GPHN: variants seen among roughly 807,000 people sequenced by gnomAD.
GPHN encodes gephyrin.
GPHN carries 17 observed loss-of-function variants against 95.5 expected under a neutral mutation model. That is an observed-to-expected ratio of 0.18 (90% CI 0.12 to 0.27). The LOEUF (loss-of-function observed/expected upper bound fraction) is 0.27. GPHN is among the 10% of genes least tolerant of loss of function. The pLI is 1.00. For synonymous variants in GPHN, 320 were observed against 322.5 expected, an observed-to-expected ratio of 0.99 and a Z score of 0.08; for missense variants, 660 against 978.1, an observed-to-expected ratio of 0.67 and a Z score of 4.34.
intron 1 of GPHN, among the ~76,000 whole-genome samples, chr14:66,610,480 T>C (rs767450832): frequency 6.6e-6 from 1 of 152,120 alleles, no homozygotes; most frequent in Non-Finnish European, 1.5e-5. Flanking sequence ...TATGTTTGTT[T>C]ACTTGATATT....
the GPHN span, chr14:67,646,418 A>G: frequency 3.9e-6 from 2 of 512,354 alleles, no homozygotes; most frequent in Admixed American, 3.6e-5. Flanking sequence ...AACCTTAGAG[A>G]TTTTATTCGT....
chr14:67,376,512 A>G, the GPHN span: 1 of 1,614,146 alleles, frequency 6.2e-7, no homozygotes, highest in African/African-American at 1.3e-5. Context: ...AGCCTATTCC[A>G]GAGGACTGCC....
the GPHN span, chr14:67,663,172 T>G: frequency 6.5e-7 from 1 of 1,531,868 alleles, no homozygotes; most frequent in African/African-American, 1.4e-5. Context: ...CTTTAATACC[T>G]AAAAATTACT....
the GPHN span, chr14:67,383,851 G>T: frequency 4.2e-6 from 1 of 237,166 alleles, no homozygotes; most frequent in Non-Finnish European, 8.4e-6. Context: ...TAAATTTCTG[G>T]GATATTTAAC....
intron 1 of GPHN, among the ~76,000 whole-genome samples, chr14:66,587,694 T>C (rs967334336): frequency 6.6e-6 from 1 of 152,210 alleles, no homozygotes; most frequent in Non-Finnish European, 1.5e-5. Flanking sequence ...AAGATTATAT[T>C]AGTCCATTCT....
intron 11 of GPHN, among the ~76,000 whole-genome samples, chr14:67,081,476 T>C (rs937449401): frequency 2.0e-5 from 3 of 152,324 alleles, no homozygotes; most frequent in Non-Finnish European, 4.4e-5. Context: ...TTGCTTAAGT[T>C]CCTCGTAGAT....
downstream of GPHN, among the ~76,000 whole-genome samples, chr14:67,183,238 G>A (rs968018174): frequency 6.6e-5 from 10 of 152,182 alleles, no homozygotes; most frequent in African/African-American, 1.9e-4. Flanking sequence ...CACAAAGGTA[G>A]AGATTTTTGT....
chr14:67,522,485 A>G, the GPHN span, among the ~76,000 whole-genome samples: 1 of 152,316 alleles, frequency 6.6e-6, no homozygotes, highest in East Asian at 1.9e-4. Context: ...AAAAGCTCTT[A>G]TGCTGCTATC....
the GPHN span, among the ~76,000 whole-genome samples, chr14:67,215,926 C>T: frequency 6.6e-6 from 1 of 152,168 alleles, no homozygotes; most frequent in Non-Finnish European, 1.5e-5. Context: ...TTGCCCAAAA[C>T]AAATGCCCTA....
chr14:67,376,735 T>TG, the GPHN span: 1 of 731,692 alleles, frequency 1.4e-6, no homozygotes, highest in Non-Finnish European at 2.2e-6. Context: ...CAATCCTATA[T>TG]GGTCAAGTCT....
At chr14:66,718,644 A>G (rs2070427865) in intron 2 of GPHN, among the ~76,000 whole-genome samples, 1 of 152,088 alleles carries the variant, frequency 6.6e-6, no homozygotes, top group Non-Finnish European at 1.5e-5. Context: ...TCCTTTAGCT[A>G]GACACAGAGT....
chr14:67,699,589 C>CAAAAA, the GPHN span, among the ~76,000 whole-genome samples: 484 of 50,680 alleles, frequency 9.6e-3, 15 homozygotes, highest in African/African-American at 0.031. Context: ...GACCCTATCT[C>CAAAAA]AAAAAAAAAA....
At chr14:67,701,510 G>A in the GPHN span, among the ~76,000 whole-genome samples, 12 of 135,158 alleles carry the variant, frequency 8.9e-5, no homozygotes, top group Non-Finnish European at 1.5e-4. Flanking sequence ...TGCAAACTCC[G>A]CATTCCAGGT....
intron 21 of GPHN, among the ~76,000 whole-genome samples, chr14:67,173,211 C>A (rs1567446890): frequency 6.6e-6 from 1 of 152,154 alleles, no homozygotes; most frequent in South Asian, 2.1e-4. Context: ...GGACCCTGGC[C>A]CCACATCCAC....
At chr14:67,097,665 C>T (rs1297167181) in intron 12 of GPHN, among the ~76,000 whole-genome samples, 1 of 152,122 alleles carries the variant, frequency 6.6e-6, no homozygotes, top group African/African-American at 2.4e-5. Context: ...AGCTCAGGTA[C>T]TTTAATTATA....
At chr14:66,598,690 C>T (rs1327796211) in intron 1 of GPHN, among the ~76,000 whole-genome samples, 1 of 151,964 alleles carries the variant, frequency 6.6e-6, no homozygotes, top group East Asian at 1.9e-4. Flanking sequence ...ACTAAAAATA[C>T]AAAAATTAGC....
intron 1 of GPHN, among the ~76,000 whole-genome samples, chr14:66,539,415 T>C (rs1018316233): frequency 3.4e-5 from 5 of 145,178 alleles, no homozygotes; most frequent in Non-Finnish European, 6.0e-5. Flanking sequence ...CTTTCTTTTT[T>C]TTTTTTTTTT....
At chr14:66,688,400 T>G (rs1355449746) in intron 2 of GPHN, among the ~76,000 whole-genome samples, 5 of 152,198 alleles carry the variant, frequency 3.3e-5, no homozygotes. Context: ...AGTAGACCCA[T>G]GCAGTTCAAG....
the GPHN span, chr14:67,383,214 A>G: frequency 2.3e-6 from 3 of 1,312,860 alleles, no homozygotes; most frequent in Non-Finnish European, 3.1e-6. Context: ...GAGTTGTTAG[A>G]AAAGTGTTAA....
Sources: allele counts gnomAD v4.1 joint callset (sites outside exome capture counted in the v4.1 genomes callset), GRCh38; gene constraint gnomAD v4.1.1; transcripts MANE v1.5; gene names NCBI Gene and HGNC (gene_info 2026-07-23, HGNC 2026-07-21).